Variants in PXYLP1 observed in about 807,000 individuals in gnomAD.
The protein encoded by PXYLP1 is acid phosphatase-like 2.
Under a neutral mutation model 37.9 loss-of-function variants are expected in PXYLP1, and 17 were observed. The ratio of observed to expected loss-of-function variants is 0.45; its 90% confidence interval spans 0.31 to 0.67. PXYLP1 has a LOEUF of 0.67. PXYLP1 is among the 30% of genes least tolerant of loss of function. PXYLP1 has a pLI of 0.07. For missense variants in PXYLP1, 511 were observed against 612.0 expected (o/e 0.84, Z 1.74); for synonymous variants, 221 against 232.2 (o/e 0.95, Z 0.44).
At chr3:141,276,992 C>T (rs1323270259) in intron 2 of PXYLP1, among the ~76,000 whole-genome samples, 1 of 152,048 alleles carries the variant, frequency 6.6e-6, no homozygotes, top group Non-Finnish European at 1.5e-5. Flanking sequence ...GTTTATTGGC[C>T]ATTGGTATTT....
chr3:141,245,360 A>T (rs1940911984), intron 1 of PXYLP1, among the ~76,000 whole-genome samples: 1 of 152,008 alleles, frequency 6.6e-6, no homozygotes, highest in African/African-American at 2.4e-5. Context: ...AGCCACCCAC[A>T]CCTGGCTGCC....
chr3:141,286,182 A>G (rs764465899), intron 4 of PXYLP1, among the ~76,000 whole-genome samples: 1 of 152,190 alleles, frequency 6.6e-6, no homozygotes, highest in Non-Finnish European at 1.5e-5. Context: ...AGGCTACTTC[A>G]TTATTCAAAG....
intron 1 of PXYLP1, among the ~76,000 whole-genome samples, chr3:141,246,475 A>C (rs1940940938): frequency 6.6e-6 from 1 of 152,166 alleles, no homozygotes; most frequent in Non-Finnish European, 1.5e-5. Context: ...CTCTATGAGA[A>C]AGTGATCTTT....
intron 2 of PXYLP1, among the ~76,000 whole-genome samples, chr3:141,264,037 G>A (rs1262579885): frequency 2.0e-5 from 3 of 152,168 alleles, no homozygotes; most frequent in Non-Finnish European, 4.4e-5. Context: ...ATCAGAGTGC[G>A]TTGGCCATGA....
intron 1 of PXYLP1, among the ~76,000 whole-genome samples, chr3:141,244,869 G>A (rs773414956): frequency 1.1e-4 from 16 of 151,838 alleles, no homozygotes; most frequent in Non-Finnish European, 2.4e-4. Flanking sequence ...CAAAAGATGT[G>A]CATGTTTATT....
At chr3:141,277,018 G>A (rs754675972) in intron 2 of PXYLP1, among the ~76,000 whole-genome samples, 2 of 152,074 alleles carry the variant, frequency 1.3e-5, no homozygotes, top group Non-Finnish European at 2.9e-5. Context: ...TCTGCGATTA[G>A]CCTGTTCATA....
chr3:141,249,858 C>T (rs970478830), intron 1 of PXYLP1, among the ~76,000 whole-genome samples: 6 of 151,844 alleles, frequency 4.0e-5, no homozygotes, highest in African/African-American at 7.3e-5. Flanking sequence ...ATAACTGAAG[C>T]GTACATAAAA....
At chr3:141,273,563 C>T (rs966646255) in intron 2 of PXYLP1, 47 of 985,314 alleles carry the variant, frequency 4.8e-5, no homozygotes, top group Non-Finnish European at 5.3e-5. Context: ...TTGTTTTACT[C>T]ATGATTCTAA....
intron 2 of PXYLP1, among the ~76,000 whole-genome samples, chr3:141,268,204 AGAGTGTGTGTGT>A (rs1559889058): frequency 3.4e-5 from 1 of 29,522 alleles, no homozygotes. Context: ...AGAGAGAGAG[AGAGTGTGTGTGT>A]GTGTGTGTGT....
chr3:141,235,543 G>A (rs181419639), intron 1 of PXYLP1: 1 of 152,402 alleles, frequency 6.6e-6, no homozygotes, highest in African/African-American at 2.4e-5. Flanking sequence ...AGGTGCTGAG[G>A]GGAGAGTCTA....
intron 1 of PXYLP1, among the ~76,000 whole-genome samples, chr3:141,259,175 G>A (rs1251586622): frequency 6.6e-6 from 1 of 152,160 alleles, no homozygotes; most frequent in East Asian, 1.9e-4. Flanking sequence ...ATTAGCAGAT[G>A]AGCTTTTATC....
intron 2 of PXYLP1, among the ~76,000 whole-genome samples, chr3:141,276,629 T>A (rs1236348021): frequency 6.6e-6 from 1 of 152,236 alleles, no homozygotes; most frequent in Non-Finnish European, 1.5e-5. Context: ...CCACACATTT[T>A]TGTGCGTGGG....
rs1941352604 is a variant in PXYLP1 at position 141,260,044 on chromosome 3, A to G, written c.-53-79A>G. The G allele has an allele frequency of 5.1e-6, 5 of 983,088 alleles. No individual in the cohort carries two copies. The South Asian group carries it at 7.8e-5, about 15-fold the overall frequency. 60.9% of individuals were successfully genotyped at this position (983,088 alleles called of 1,614,324 possible). Reference sequence around the variant, plus strand: ...GGGCTAATCAGATTATTATCAGTTGACAAGTTTGGTTATTTTCAGTTGACA... The same window carrying G: ...GGGCTAATCAGATTATTATCAGTTGGCAAGTTTGGTTATTTTCAGTTGACA... On this transcript the variant is annotated intron_variant, in intron 1 of 5. Transcript: ENST00000286353.
At chr3:141,273,765 C>T in intron 2 of PXYLP1, 1 of 985,280 alleles carries the variant, frequency 1.0e-6, no homozygotes, top group Non-Finnish European at 1.2e-6. Context: ...GGCTTATTTC[C>T]AAAGGTAGCT....
rs764923619 is a variant in PXYLP1, at chr3:141,243,458, T to C, written c.-54+11547T>C. Reference sequence around the variant, plus strand: ...TCCACCCTGTTCACTGATGACTCACTGCATAAGGCCTGTCATCCACGGTAC... The same window carrying C: ...TCCACCCTGTTCACTGATGACTCACCGCATAAGGCCTGTCATCCACGGTAC... On this transcript the variant is annotated intron_variant, in intron 1 of 5. Transcript: ENST00000286353. 5.0e-4 allele frequency among the ~76,000 whole-genome samples: 76 copies of C among 152,212 alleles called. 1 individual carries two copies. The highest frequency in any genetic ancestry group is 3.5e-4 in the Non-Finnish European group (24 of 68,026).
In PXYLP1 at chr3:141,293,153, T is replaced by C; in HGVS notation, c.1391T>C (p.Leu464Pro). The stretch of plus-strand genomic sequence containing the variant: ...GTGAAAAGGGACATGTTTGTAGCCC[T>C]GGGTGGCAGTGGTACAAATTATTAT... The part of the protein sequence containing the change: ...RFVKRDMFVA[L>P]GGSGTNYYDA... The change falls in exon 6 of 6, where the codon CTG (leucine) becomes CCG (proline). Residue 464 changes from leucine (L) to proline (P), a missense_variant. Leu to Pro is a moderately conservative substitution (Grantham distance 98). Coordinates refer to ENST00000286353, the MANE Select transcript of PXYLP1 (RefSeq NM_001037172.3). The C allele has an allele frequency of 6.2e-7, 1 of 1,614,094 alleles. No homozygotes were observed. Among genetic ancestry groups the C allele is most frequent in the South Asian group, 1.1e-5 (1 of 91,086 alleles).
chr3:141,257,346 A>G (rs1445778498), intron 1 of PXYLP1, among the ~76,000 whole-genome samples: 2 of 152,198 alleles, frequency 1.3e-5, no homozygotes, highest in Non-Finnish European at 2.9e-5. Flanking sequence ...GTAAAGGAAG[A>G]CAAGCCCCAA....
rs746543119 is a variant in PXYLP1 at position 141,293,122 on chromosome 3, C to T, written c.1360C>T (p.Arg454Cys). The T allele has an allele frequency of 8.7e-5, 141 of 1,614,032 alleles. No homozygotes were observed. Among genetic ancestry groups the T allele is most frequent in the Middle Eastern group, 1.6e-4 (1 of 6,084 alleles). Residue 454 changes from arginine (R) to cysteine (C), a missense_variant, in exon 6 of 6, where the codon CGC becomes TGC. By Grantham distance (180) the Arg-to-Cys change is radical. Coordinates refer to ENST00000286353, the MANE Select transcript of PXYLP1 (RefSeq NM_001037172.3). ...KPMCPLENLV[R>C]FVKRDMFVAL... The stretch of plus-strand genomic sequence containing the variant: ...CATGTGCCCGCTTGAAAACTTGGTC[C>T]GCTTTGTGAAAAGGGACATGTTTGT...
chr3:141,292,881 C>T lies in PXYLP1; in HGVS notation c.1119C>T (p.Ala373=). The T allele has an allele frequency of 6.2e-7, 1 of 1,614,164 alleles. No individual in the cohort carries two copies. The highest frequency in any genetic ancestry group is 8.5e-7 in the Non-Finnish European group (1 of 1,180,038). The part of the protein sequence containing the change: ...ATEGRKEELF[A]LYSAHDVTLS... ...AGGGCAGGAAAGAAGAGCTCTTTGCCCTCTACTCTGCTCATGATGTCACTC... is the reference window on the plus strand; with the variant it reads ...AGGGCAGGAAAGAAGAGCTCTTTGCTCTCTACTCTGCTCATGATGTCACTC... Residue 373 remains alanine (A), a synonymous_variant, in exon 6 of 6, where the codon GCC becomes GCT. Coordinates refer to ENST00000286353, the MANE Select transcript of PXYLP1 (RefSeq NM_001037172.3). This position sits in a 1 kb window ranked among gnomAD's most constrained non-coding sequence, Gnocchi z 4.3.
Sources: allele counts gnomAD v4.1 joint callset (sites outside exome capture counted in the v4.1 genomes callset), GRCh38; gene constraint gnomAD v4.1.1; non-coding constraint Gnocchi (gnomAD v3.1); transcripts MANE v1.5; gene names NCBI Gene and HGNC (gene_info 2026-07-23, HGNC 2026-07-21).